The following TSNARE1 variants were observed in gnomAD, a reference collection of about 807,000 sequenced individuals.
The protein encoded by TSNARE1 is t-SNARE domain containing 1, also known as t-SNARE domain-containing protein 1.
Under a neutral mutation model 62.0 loss-of-function variants are expected in TSNARE1, and 49 were observed. The observed-to-expected ratio is 0.79, with a 90% CI of 0.63 to 1.00. The LOEUF (loss-of-function observed/expected upper bound fraction) is 1.00. Ranked by LOEUF, TSNARE1 falls within the 50% of genes least tolerant of loss-of-function variation. The pLI, the probability that TSNARE1 is intolerant of heterozygous loss-of-function variation, is 0.00. For missense variants in TSNARE1, 755 were observed against 700.1 expected, an observed-to-expected ratio of 1.08 and a Z score of -0.88; for synonymous variants, 328 against 294.4, an observed-to-expected ratio of 1.11 and a Z score of -1.17.
chr8:142,401,262 G>A (rs1176573689), intron 1 of TSNARE1, among the ~76,000 whole-genome samples: 2 of 151,988 alleles, frequency 1.3e-5, no homozygotes, highest in Non-Finnish European at 2.9e-5. Flanking sequence ...TGCTGGGTGG[G>A]GTGCTCAGGA....
chr8:142,311,390 C>T (rs1428998860), intron 9 of TSNARE1, among the ~76,000 whole-genome samples: 2 of 150,670 alleles, frequency 1.3e-5, no homozygotes, highest in Non-Finnish European at 2.9e-5. Flanking sequence ...CTCTGCCTCC[C>T]GGGTTCAAGT....
At chr8:142,381,860 C>T (rs551251036) in intron 1 of TSNARE1, among the ~76,000 whole-genome samples, 16 of 152,176 alleles carry the variant, frequency 1.1e-4, no homozygotes, top group African/African-American at 2.9e-4. Context: ...GAACAGGCAG[C>T]GCCCGCGGGT....
chr8:142,356,222 G>A (rs952432590), intron 1 of TSNARE1, among the ~76,000 whole-genome samples: 6 of 152,208 alleles, frequency 3.9e-5, no homozygotes, highest in Admixed American at 2.0e-4. Context: ...GCCTTGTTCT[G>A]CCCAGGGCGC....
At chr8:142,357,864 T>G in intron 1 of TSNARE1, among the ~76,000 whole-genome samples, 1 of 151,264 alleles carries the variant, frequency 6.6e-6, no homozygotes, top group African/African-American at 2.4e-5. Context: ...TGGGGACGAG[T>G]CAGGGGGATG....
At chr8:142,234,121 A>G (rs953775963) in intron 12 of TSNARE1, among the ~76,000 whole-genome samples, 4 of 152,154 alleles carry the variant, frequency 2.6e-5, no homozygotes, top group African/African-American at 9.7e-5. Context: ...CCATGACCCC[A>G]ACCATGCATT....
chr8:142,395,472 C>T (rs1271939896), intron 1 of TSNARE1, among the ~76,000 whole-genome samples: 2 of 152,228 alleles, frequency 1.3e-5, no homozygotes, highest in African/African-American at 2.4e-5. Context: ...AGGCAGCCTG[C>T]GGAGTCAGCG....
chr8:142,354,559 A>G lies in TSNARE1; in HGVS notation c.88+78T>C. 3 of 1,006,080 alleles carry G rather than the reference A, an allele frequency of 3.0e-6. No homozygotes were observed. In the South Asian group the frequency reaches 4.6e-5, roughly 15 times the overall value. The allele number at this position is 1,006,080 out of a possible 1,614,324, so 62.3% of individuals were successfully genotyped here. ...AGAACAGAACTGGTTTCCAGCCATC[A>G]GCATGACACAGTGAGGATCCTACCC... On this transcript the variant is annotated intron_variant, in intron 2 of 13. Coordinates refer to ENST00000524325, the MANE Select transcript of TSNARE1 (RefSeq NM_145003.5).
chr8:142,360,696 G>A (rs973935519), intron 1 of TSNARE1, among the ~76,000 whole-genome samples: 3 of 152,158 alleles, frequency 2.0e-5, no homozygotes, highest in African/African-American at 7.2e-5. Flanking sequence ...GGCGCCGGGG[G>A]AAGCGGCGGT....
intron 7 of TSNARE1, among the ~76,000 whole-genome samples, chr8:142,317,843 A>C (rs1586766319): frequency 6.6e-6 from 1 of 152,192 alleles, no homozygotes; most frequent in Non-Finnish European, 1.5e-5. Flanking sequence ...CTGTAATCTC[A>C]GGTACTCAGG....
intron 1 of TSNARE1, among the ~76,000 whole-genome samples, chr8:142,376,167 G>A (rs1157365898): frequency 6.6e-6 from 1 of 152,212 alleles, no homozygotes; most frequent in Admixed American, 6.5e-5. Flanking sequence ...CAAAGTGCAG[G>A]AGCAATTTGC....
chr8:142,228,273 T>C (rs1183791924), intron 13 of TSNARE1, among the ~76,000 whole-genome samples: 3 of 152,228 alleles, frequency 2.0e-5, no homozygotes, highest in Non-Finnish European at 4.4e-5. Context: ...TTAAGCTAAC[T>C]TGGCATGCAG....
At chr8:142,330,282 C>A (rs374036860) in intron 6 of TSNARE1, among the ~76,000 whole-genome samples, 1 of 152,298 alleles carries the variant, frequency 6.6e-6, no homozygotes, top group Middle Eastern at 3.4e-3. Context: ...GCAGGTGCTC[C>A]CTTCCCCCCG....
intron 13 of TSNARE1, among the ~76,000 whole-genome samples, chr8:142,213,968 G>A (rs1453134037): frequency 1.3e-5 from 2 of 151,930 alleles, no homozygotes; most frequent in East Asian, 1.9e-4. Flanking sequence ...CAGCCCCCCC[G>A]GGAAGCCCTG....
intron 13 of TSNARE1, among the ~76,000 whole-genome samples, chr8:142,216,615 C>G (rs954240404): frequency 6.6e-6 from 1 of 152,132 alleles, no homozygotes. Flanking sequence ...AGCCTGGGCA[C>G]GGGGCACAGG....
intron 13 of TSNARE1, among the ~76,000 whole-genome samples, chr8:142,222,135 C>G (rs1175929467): frequency 2.7e-5 from 4 of 149,554 alleles, no homozygotes; most frequent in African/African-American, 9.9e-5. Flanking sequence ...CTCACTCATC[C>G]ACTCATTCAC....
At chr8:142,222,500 TCATCCAC>T (rs1816379616) in intron 13 of TSNARE1, among the ~76,000 whole-genome samples, 1 of 42,510 alleles carries the variant, frequency 2.4e-5, no homozygotes, top group Admixed American at 2.2e-4. Flanking sequence ...ATCCACTCAC[TCATCCAC>T]TCACTCACTC....
chr8:142,248,567 C>T (rs548873864), intron 12 of TSNARE1, among the ~76,000 whole-genome samples: 4 of 152,290 alleles, frequency 2.6e-5, no homozygotes, highest in Non-Finnish European at 2.9e-5. Flanking sequence ...CCTGTGGGGC[C>T]GGCTCTGGGC....
At chr8:142,361,882 A>G (rs1250004295) in intron 1 of TSNARE1, among the ~76,000 whole-genome samples, 1 of 152,226 alleles carries the variant, frequency 6.6e-6, no homozygotes, top group African/African-American at 2.4e-5. Flanking sequence ...GGGAGCCCTC[A>G]GCCGCGCCCC....
chr8:142,213,286 C>G (rs950597529), intron 13 of TSNARE1, among the ~76,000 whole-genome samples: 8 of 134,118 alleles, frequency 6.0e-5, no homozygotes, highest in African/African-American at 2.9e-5. Context: ...AAATCCTGTG[C>G]GGACTCCGGG....
Sources: allele counts gnomAD v4.1 joint callset (sites outside exome capture counted in the v4.1 genomes callset), GRCh38; gene constraint gnomAD v4.1.1; transcripts MANE v1.5; gene names NCBI Gene and HGNC (gene_info 2026-07-23, HGNC 2026-07-21).